Variants in AQP9 observed in about 807,000 individuals in gnomAD.
The protein encoded by AQP9 is aquaporin-9.
Under a neutral mutation model 23.8 loss-of-function variants are expected in AQP9, and 19 were observed. The ratio of observed to expected loss-of-function variants is 0.80; its 90% CI spans 0.56 to 1.17. AQP9 has a LOEUF of 1.17. Ranked by LOEUF, AQP9 falls within the 50% of genes most tolerant of loss-of-function variation. The pLI, the probability that AQP9 is intolerant of heterozygous loss-of-function variation, is 0.00. For missense variants in AQP9, 413 were observed against 362.0 expected (o/e 1.14, Z -1.14); for synonymous variants, 153 against 131.5 (o/e 1.16, Z -1.12).
intron 2 of AQP9, among the ~76,000 whole-genome samples, chr15:58,170,591 G>C (rs1898598816): frequency 6.6e-6 from 1 of 151,992 alleles, no homozygotes; most frequent in South Asian, 2.1e-4. Flanking sequence ...TTTTAGTAGA[G>C]ACAGGGTTTC....
chr15:58,163,373 A>G (rs1201471976), intron 1 of AQP9, among the ~76,000 whole-genome samples: 4 of 152,196 alleles, frequency 2.6e-5, no homozygotes, highest in Non-Finnish European at 5.9e-5. Context: ...GGACTTCAGA[A>G]GCAGAACACC....
chr15:58,160,565 G>C (rs745780060), intron 1 of AQP9, among the ~76,000 whole-genome samples: 3 of 151,942 alleles, frequency 2.0e-5, no homozygotes, highest in Non-Finnish European at 4.4e-5. Flanking sequence ...TAAAGAATTA[G>C]GGTAATCACT....
At chr15:58,167,510 T>C (rs1898534984) in intron 2 of AQP9, among the ~76,000 whole-genome samples, 1 of 152,172 alleles carries the variant, frequency 6.6e-6, no homozygotes, top group Admixed American at 6.5e-5. Context: ...CTGTGCTAAA[T>C]GCCAGACTGC....
At chr15:58,160,125 A>G (rs537874777) in intron 1 of AQP9, among the ~76,000 whole-genome samples, 7 of 152,318 alleles carry the variant, frequency 4.6e-5, no homozygotes, top group East Asian at 3.9e-4. Flanking sequence ...ATTCCTAACA[A>G]CAGCGTATAA....
At chr15:58,143,072 A>C (rs539851545) in intron 1 of AQP9, among the ~76,000 whole-genome samples, 13 of 152,202 alleles carry the variant, frequency 8.5e-5, no homozygotes, top group Non-Finnish European at 1.6e-4. Context: ...GCATTTTATC[A>C]AAAGCTCTTT....
intron 1 of AQP9, among the ~76,000 whole-genome samples, chr15:58,144,727 C>T (rs1303756929): frequency 4.6e-5 from 7 of 152,038 alleles, no homozygotes; most frequent in Admixed American, 2.6e-4. Context: ...TTAAAAGTTA[C>T]AGGTCTGGCC....
chr15:58,163,089 G>T (rs1284386180), intron 1 of AQP9, among the ~76,000 whole-genome samples: 2 of 152,180 alleles, frequency 1.3e-5, no homozygotes, highest in Non-Finnish European at 2.9e-5. Flanking sequence ...AGTTGGGTGG[G>T]TTGTGCCGAT....
At chr15:58,165,214 A>G (rs1898472481) in intron 1 of AQP9, among the ~76,000 whole-genome samples, 1 of 152,156 alleles carries the variant, frequency 6.6e-6, no homozygotes, top group African/African-American at 2.4e-5. Flanking sequence ...CAGCATGGTG[A>G]AAGCTGGTGG....
chr15:58,147,651 C>T lies in AQP9; in HGVS notation c.111+8975C>T, dbSNP rs574241164. 7.2e-5 allele frequency among the ~76,000 whole-genome samples: 11 copies of T among 152,232 alleles called. 1 individual carries two copies. The highest frequency in any genetic ancestry group is 3.9e-4 in the Admixed American group (6 of 15,288). On this transcript the variant is annotated intron_variant, in intron 1 of 5. Transcript: ENST00000219919. ...GACTTGAAGGCTTAGTCCCTCTCAGCGCACATGCCTTAGAGTCTTTCTGGA... is the reference window on the plus strand; with the variant it reads ...GACTTGAAGGCTTAGTCCCTCTCAGTGCACATGCCTTAGAGTCTTTCTGGA...
intron 1 of AQP9, among the ~76,000 whole-genome samples, chr15:58,156,849 G>T (rs894152761): frequency 2.0e-5 from 3 of 152,128 alleles, no homozygotes; most frequent in African/African-American, 7.2e-5. Flanking sequence ...TGCCATACAG[G>T]ATCTGGCTAA....
At position 58,185,710 on chromosome 15, in the gene AQP9, T is replaced by C. The variant is rs1899015470; in HGVS notation, c.*1575T>C. On this transcript the variant is annotated 3_prime_UTR_variant, in exon 6 of 6. Transcript: ENST00000219919. The stretch of plus-strand genomic sequence containing the variant: ...TCTACATCAAGGGATGCACCTTCAG[T>C]CAAACTGTCAAAAAGCCCAGAATTC... 2 of 152,210 alleles carry C rather than the reference T, an allele frequency of 1.3e-5. No individual in the cohort carries two copies. Among genetic ancestry groups the C allele is most frequent in the Non-Finnish European group, 1.5e-5 (1 of 68,050 alleles). 9.4% of individuals were successfully genotyped at this position (152,210 alleles called of 1,614,324 possible).
At position 58,160,343 on chromosome 15, in the gene AQP9, T is replaced by G. The variant is rs75146185; in HGVS notation, c.112-6330T>G. 2.8e-4 allele frequency among the ~76,000 whole-genome samples: 43 copies of G among 152,250 alleles called. No homozygotes were observed. In the East Asian group the frequency reaches 6.2e-3, roughly 22 times the overall value. ...TTTTGCCCGCTTTAAAATCAGATTA[T>G]TTGGATTTTGTTTGTTTGTTTGCTA... On this transcript the variant is annotated intron_variant, in intron 1 of 5. Coordinates refer to ENST00000219919, the MANE Select transcript of AQP9 (RefSeq NM_020980.5).
At chr15:58,178,222 A>G (rs1281491193) in intron 4 of AQP9, among the ~76,000 whole-genome samples, 2 of 152,248 alleles carry the variant, frequency 1.3e-5, no homozygotes, top group Non-Finnish European at 2.9e-5. Flanking sequence ...GGACAGCTGT[A>G]TAAAACACAA....
intron 3 of AQP9, 38 bp from the exon 4 acceptor site, chr15:58,174,880 C>G: frequency 6.4e-7 from 1 of 1,571,166 alleles, no homozygotes; most frequent in Non-Finnish European, 8.8e-7. Context: ...CAACTCTTCC[C>G]AGGGAACACT....
chr15:58,151,439 T>G (rs1400356499), intron 1 of AQP9: 3 of 152,128 alleles, frequency 2.0e-5, no homozygotes, highest in Admixed American at 6.6e-5. Flanking sequence ...CATTACTATA[T>G]CTTACCCAAT....
In AQP9 at chr15:58,179,468, G is replaced by T. The variant is rs1331105330; in HGVS notation, c.713+123G>T. 1.2e-5 allele frequency: 9 copies of T among 780,954 alleles called. No individual in the cohort carries two copies. The Admixed American group carries it at 2.0e-4, about 18-fold the overall frequency. 48.4% of individuals were successfully genotyped at this position (780,954 alleles called of 1,614,324 possible). ...AGCGCCAACGTTAACTGCACACTCT[G>T]GTCATAAGCATGAGACATTTCACTG... On this transcript the variant is annotated intron_variant, in intron 5 of 5. Transcript: ENST00000219919.
At chr15:58,165,384 A>G (rs1898476491) in intron 1 of AQP9, among the ~76,000 whole-genome samples, 1 of 152,204 alleles carries the variant, frequency 6.6e-6, no homozygotes, top group African/African-American at 2.4e-5. Flanking sequence ...AAAATTAGAA[A>G]ACAGATGGGT....
intron 1 of AQP9, among the ~76,000 whole-genome samples, chr15:58,140,639 T>C (rs1158696849): frequency 6.6e-5 from 10 of 152,216 alleles, no homozygotes; most frequent in African/African-American, 2.4e-4. Flanking sequence ...TCTGCTTTAT[T>C]AGAGAATGTG....
intron 2 of AQP9, among the ~76,000 whole-genome samples, chr15:58,167,939 G>A (rs561117917): frequency 5.9e-5 from 9 of 152,240 alleles, no homozygotes; most frequent in African/African-American, 2.2e-4. Flanking sequence ...TGGCCAGGCT[G>A]GTCTCGAGCT....
Sources: gnomAD v4.1 joint callset for allele counts (sites outside exome capture counted in the v4.1 genomes callset) on GRCh38, gnomAD v4.1.1 for gene constraint, MANE v1.5 for transcripts, NCBI Gene and HGNC (gene_info 2026-07-23, HGNC 2026-07-21) for gene names.